Variants in EMSY observed in about 807,000 individuals in gnomAD.
EMSY encodes EMSY transcriptional repressor, BRCA2 interacting, also known as BRCA2-interacting transcriptional repressor EMSY.
Under a neutral mutation model 134.6 loss-of-function variants are expected in EMSY, and 26 were observed. The ratio of observed to expected loss-of-function variants is 0.19; its 90% CI spans 0.14 to 0.27. The LOEUF is 0.27. EMSY is among the 10% of genes least tolerant of loss of function. EMSY has a pLI of 1.00. For synonymous variants in EMSY, 579 were observed against 577.8 expected (o/e 1.00, Z -0.03); for missense variants, 1,305 against 1,611.4 (o/e 0.81, Z 3.26).
At chr11:76,468,420 CT>C (rs1948446405) in intron 7 of EMSY, among the ~76,000 whole-genome samples, 1 of 152,128 alleles carries the variant, frequency 6.6e-6, no homozygotes, top group African/African-American at 2.4e-5. Flanking sequence ...TAAAACTGTA[CT>C]CTTTTACTTC....
intron 5 of EMSY, chr11:76,458,577 C>A: frequency 5.1e-6 from 2 of 394,586 alleles, no homozygotes; most frequent in Non-Finnish European, 8.7e-6. Flanking sequence ...TGTTAATCAT[C>A]AAAATTGCAA....
chr11:76,465,033 G>C (rs1948293372), intron 7 of EMSY, among the ~76,000 whole-genome samples: 1 of 152,126 alleles, frequency 6.6e-6, no homozygotes, highest in South Asian at 2.1e-4. Context: ...GAAATTTCAA[G>C]GTAATGTTCC....
At chr11:76,544,899 CATG>C in intron 19 of EMSY, 77 bp downstream of exon 20, 1 of 1,447,444 alleles carries the variant, frequency 6.9e-7, no homozygotes, top group Admixed American at 2.0e-5. Flanking sequence ...ACGACCCTAT[CATG>C]ATATCAGTGC....
At position 76,450,453 on chromosome 11, in the gene EMSY, T is replaced by C. The variant is rs968730661; in HGVS notation, c.71-1405T>C. ...CAACACAGGTTGAACATGCAGGATG[T>C]TTAAACTTAGGGTCATTTGGTTGGA... is the stretch of plus-strand genomic sequence containing the variant. On this transcript the variant is annotated intron_variant, in intron 2 of 20. Transcript: ENST00000334736. Among the ~76,000 whole-genome samples the C allele has an allele frequency of 2.6e-5, 4 of 152,058 alleles. No homozygotes were observed. The East Asian group carries it at 7.7e-4, about 29-fold the overall frequency.
intron 2 of EMSY, among the ~76,000 whole-genome samples, chr11:76,448,311 G>A (rs1040500462): frequency 2.0e-5 from 3 of 151,856 alleles, no homozygotes; most frequent in Non-Finnish European, 4.4e-5. Flanking sequence ...TTTTGGAGAG[G>A]GTGTGGGGGA....
At chr11:76,511,852 T>C (rs1157337213) in intron 9 of EMSY, among the ~76,000 whole-genome samples, 1 of 152,186 alleles carries the variant, frequency 6.6e-6, no homozygotes, top group Non-Finnish European at 1.5e-5. Flanking sequence ...CTGTTCATTA[T>C]GAACTTTACA....
intron 14 of EMSY, among the ~76,000 whole-genome samples, chr11:76,534,922 C>T (rs1344333820): frequency 4.6e-5 from 7 of 152,116 alleles, no homozygotes. Flanking sequence ...TCTAGTCCAA[C>T]TTGCTTATTT....
At position 76,506,408 on chromosome 11, in the gene EMSY, A is replaced by G. The variant is rs145994175; in HGVS notation, c.1364-6978A>G. Among the ~76,000 whole-genome samples the G allele has an allele frequency of 6.8e-4, 103 of 152,338 alleles. 1 individual carries two copies. The highest frequency in any genetic ancestry group is 2.4e-3 in the African/African-American group (99 of 41,582). Reference sequence around the variant, plus strand: ...GATAAATTCAACTACATATAAACAAATAGTGTTTTGCACAGAAAACCCCAT... The same window carrying G: ...GATAAATTCAACTACATATAAACAAGTAGTGTTTTGCACAGAAAACCCCAT... On this transcript the variant is annotated intron_variant, in intron 9 of 20. Coordinates refer to ENST00000334736, the Ensembl canonical transcript of EMSY.
intron 8 of EMSY, among the ~76,000 whole-genome samples, chr11:76,482,601 C>T (rs1565301956): frequency 1.3e-5 from 2 of 152,088 alleles, no homozygotes; most frequent in African/African-American, 4.8e-5. Context: ...CTTTGTGAAG[C>T]ATACACAAGT....
At chr11:76,475,955 G>T (rs1358211566) in intron 8 of EMSY, among the ~76,000 whole-genome samples, 2 of 152,214 alleles carry the variant, frequency 1.3e-5, no homozygotes, top group Admixed American at 1.3e-4. Flanking sequence ...GGTCCACACT[G>T]CATTAATTGA....
At chr11:76,508,437 T>C (rs997639606) in intron 9 of EMSY, among the ~76,000 whole-genome samples, 57 of 152,196 alleles carry the variant, frequency 3.7e-4, no homozygotes, top group African/African-American at 1.2e-3. Flanking sequence ...CCAGGCTTTG[T>C]TGTTTCATTT....
intron 8 of EMSY, among the ~76,000 whole-genome samples, chr11:76,488,765 C>G (rs1439063976): frequency 6.6e-6 from 1 of 152,128 alleles, no homozygotes; most frequent in Non-Finnish European, 1.5e-5. Context: ...TTCTTTTCAC[C>G]TTTCTCTTTG....
intron 20 of EMSY, among the ~76,000 whole-genome samples, chr11:76,547,360 C>A (rs1471469732): frequency 1.3e-5 from 2 of 152,006 alleles, no homozygotes; most frequent in Admixed American, 6.6e-5. Flanking sequence ...GTAGAAATGG[C>A]CATTGAATTA....
At chr11:76,458,815 G>A (rs1407946685) in intron 5 of EMSY, 2 of 152,580 alleles carry the variant, frequency 1.3e-5, no homozygotes, top group African/African-American at 4.8e-5. Context: ...TTCCCTGGCA[G>A]AAGGGTTTTA....
intron 8 of EMSY, among the ~76,000 whole-genome samples, chr11:76,489,668 G>A (rs1239981773): frequency 6.7e-6 from 1 of 149,840 alleles, no homozygotes; most frequent in East Asian, 2.0e-4. Context: ...ACAGTGGCGT[G>A]ATTTTGGCTC....
At chr11:76,494,392 G>T (rs751626356) in intron 8 of EMSY, among the ~76,000 whole-genome samples, 12 of 152,188 alleles carry the variant, frequency 7.9e-5, no homozygotes, top group Non-Finnish European at 1.5e-4. Context: ...CATACATTAT[G>T]AGTGCCATAT....
intron 9 of EMSY, among the ~76,000 whole-genome samples, chr11:76,511,559 G>A (rs866569495): frequency 1.2e-4 from 18 of 152,138 alleles, no homozygotes; most frequent in Middle Eastern, 3.4e-3. Flanking sequence ...AATTAGCCGG[G>A]CATGATGACA....
chr11:76,513,633 A>C, intron 10 of EMSY, 98 bp downstream of exon 11: 1 of 1,317,852 alleles, frequency 7.6e-7, no homozygotes, highest in South Asian at 1.6e-5. Flanking sequence ...TATAGAGATT[A>C]ATGGGACAGT....
rs746491659 is a variant in EMSY, at chr11:76,523,704, CTTTTT to C, written c.1821+430_1821+434del. Among the ~76,000 whole-genome samples, 323 of 80,544 alleles carry C rather than the reference CTTTTT, an allele frequency of 4.0e-3. 2 individuals carry two copies. The highest frequency in any genetic ancestry group is 0.016 in the African/African-American group (303 of 19,414). The allele number at this position is 80,544 out of a possible 152,430, so 52.8% of individuals were successfully genotyped here. ...TTAATTGATGGGGATTTGTTACTTT[CTTTTT>C]TTTTTTTTTTTTTTTTCATTTTTAC... On this transcript the variant is annotated intron_variant, in intron 12 of 20. Transcript: ENST00000334736.
Sources: allele counts gnomAD v4.1 joint callset (sites outside exome capture counted in the v4.1 genomes callset), GRCh38; gene constraint gnomAD v4.1.1; transcripts MANE v1.5; gene names NCBI Gene and HGNC (gene_info 2026-07-23, HGNC 2026-07-21).